The following DNAH14 variants were observed in gnomAD, a reference collection of about 807,000 sequenced individuals.
DNAH14 encodes the protein dynein axonemal heavy chain 14, also known as axonemal beta dynein heavy chain 14.
Under a neutral mutation model 520.9 loss-of-function variants are expected in DNAH14, and 478 were observed. The observed-to-expected ratio is 0.92, with a 90% CI of 0.85 to 0.99. The LOEUF (loss-of-function observed/expected upper bound fraction) is 0.99. DNAH14 is among the 50% of genes least tolerant of loss of function. DNAH14 has a pLI of 0.00. For missense variants in DNAH14, 4,831 were observed against 5,234.5 expected (o/e 0.92, Z 2.38); for synonymous variants, 1,581 against 1,757.2 (o/e 0.90, Z 2.51).
At chr1:225,366,558 T>A (rs955492886) in intron 76 of DNAH14, among the ~76,000 whole-genome samples, 1 of 152,188 alleles carries the variant, frequency 6.6e-6, no homozygotes, top group Non-Finnish European at 1.5e-5. Flanking sequence ...ATTTTCTCAT[T>A]TCTCCACAAT....
intron 28 of DNAH14, among the ~76,000 whole-genome samples, chr1:225,143,380 G>A (rs1319240000): frequency 6.6e-6 from 1 of 152,028 alleles, no homozygotes; most frequent in African/African-American, 2.4e-5. Flanking sequence ...TTGCAAGGTA[G>A]TAGCTTATAA....
rs138547664 is a variant in DNAH14, at chr1:225,187,184, C to A, written c.5670+1759C>A. Among the ~76,000 whole-genome samples the A allele has an allele frequency of 2.6e-4, 39 of 151,882 alleles. No individual in the cohort carries two copies. In the East Asian group the frequency reaches 7.5e-3, roughly 29 times the overall value. The stretch of plus-strand genomic sequence containing the variant: ...TAAAATTCACACACATGAGATAAAC[C>A]ATTTTAAAGTGTACATTCTGGTGAC... On this transcript the variant is annotated intron_variant, in intron 37 of 85. Transcript: ENST00000682510.
chr1:225,191,277 A>C (rs1274033328), intron 37 of DNAH14, among the ~76,000 whole-genome samples: 2 of 151,954 alleles, frequency 1.3e-5, no homozygotes, highest in African/African-American at 2.4e-5. Flanking sequence ...TGAACTATTT[A>C]GCTTCTGTTT....
intron 27 of DNAH14, among the ~76,000 whole-genome samples, chr1:225,136,293 C>A (rs972897329): frequency 3.9e-5 from 6 of 152,074 alleles, no homozygotes; most frequent in Non-Finnish European, 8.8e-5. Context: ...AGCTGATAAT[C>A]GTTTTTTCTT....
At chr1:225,277,306 A>G (rs2093509385) in intron 53 of DNAH14, 104 bp from the exon 54 acceptor site, 1 of 388,442 alleles carries the variant, frequency 2.6e-6, no homozygotes, top group East Asian at 7.4e-5. Context: ...GCTCTGGATT[A>G]CTAGTTATTC....
At chr1:225,183,455 G>C (rs907515442) in intron 36 of DNAH14, among the ~76,000 whole-genome samples, 1 of 152,138 alleles carries the variant, frequency 6.6e-6, no homozygotes, top group African/African-American at 2.4e-5. Flanking sequence ...CCTACATTAA[G>C]AAATTAGAAA....
rs2067603049 is a variant in DNAH14, at chr1:225,042,875, C to T, written c.1529C>T (p.Thr510Ile). Residue 510 changes from threonine (T) to isoleucine (I), a missense_variant, in exon 13 of 86, where the codon ACA (threonine) becomes ATA (isoleucine). Thr to Ile is a moderately conservative substitution (Grantham distance 89, BLOSUM62 -1). Transcript: ENST00000682510. ...GAAGTGGGGAAGGATTTGAGAAAAACATATGCACCAATATTTGAAGTAAAT... is the reference window on the plus strand; with the variant it reads ...GAAGTGGGGAAGGATTTGAGAAAAATATATGCACCAATATTTGAAGTAAAT... ...SVEVGKDLRK[T>I]YAPIFEVNLC... is the part of the protein sequence containing the mutation. 2 of 1,551,378 alleles carry T rather than the reference C, an allele frequency of 1.3e-6. No homozygotes were observed. The highest frequency in any genetic ancestry group is 2.0e-5 in the Admixed American group (1 of 50,962).
chr1:225,354,945 C>T (rs1264147797), intron 73 of DNAH14, among the ~76,000 whole-genome samples: 1 of 152,150 alleles, frequency 6.6e-6, no homozygotes, highest in African/African-American at 2.4e-5. Flanking sequence ...GGCTTACAAA[C>T]ATGTTTTATT....
chr1:225,180,613 A>C (rs950209926), intron 36 of DNAH14, among the ~76,000 whole-genome samples: 6 of 152,236 alleles, frequency 3.9e-5, no homozygotes, highest in Admixed American at 3.9e-4. Context: ...TTCACCCCTG[A>C]GGGAAGGCAT....
At chr1:225,360,304 T>C (rs2095478676) in intron 74 of DNAH14, among the ~76,000 whole-genome samples, 1 of 152,234 alleles carries the variant, frequency 6.6e-6, no homozygotes, top group Non-Finnish European at 1.5e-5. Context: ...ACAACACTTT[T>C]GCTAACAAAA....
chr1:225,172,012 A>C (rs2082734893), intron 36 of DNAH14, among the ~76,000 whole-genome samples: 1 of 152,306 alleles, frequency 6.6e-6, no homozygotes, highest in African/African-American at 2.4e-5. Context: ...CCAACGACAA[A>C]AACCACATGA....
At chr1:225,221,455 T>C (rs140190737) in intron 41 of DNAH14, among the ~76,000 whole-genome samples, 1 of 151,982 alleles carries the variant, frequency 6.6e-6, no homozygotes, top group East Asian at 1.9e-4. Flanking sequence ...TTAAACAAAT[T>C]TACAAGAAAA....
In DNAH14 at chr1:225,171,760, A is replaced by T. The variant is rs2082698491; in HGVS notation, c.5535+3732A>T. On this transcript the variant is annotated intron_variant, in intron 36 of 85. Transcript: ENST00000682510. ...ATAGAAAAAGAGGGAATCCTCCCTA[A>T]CTCATTTTATGAGGCCAGCATCATC... Among the ~76,000 whole-genome samples, 12 of 152,278 alleles carry T rather than the reference A, an allele frequency of 7.9e-5. No individual in the cohort carries two copies. The South Asian group carries it at 2.5e-3, about 32-fold the overall frequency.
rs1487878876 is a variant in DNAH14, at chr1:225,051,493, G to T, written c.2122G>T (p.Val708Phe). ...TATTATTGGTAATTCAATGGGCCTAGTTAATGCTTACAGCCACAAGTTTAT... is the reference window on the plus strand; with the variant it reads ...TATTATTGGTAATTCAATGGGCCTATTTAATGCTTACAGCCACAAGTTTAT... ...LTIIGNSMGLVNAYSHKFIKY... is the reference protein window; with the variant it reads ...LTIIGNSMGLFNAYSHKFIKY... Residue 708 changes from valine (V) to phenylalanine (F), a missense_variant, in exon 17 of 86, where the codon GTT becomes TTT. Physicochemically the swap from Val to Phe is conservative, Grantham distance 50 (BLOSUM62 -1). Coordinates refer to ENST00000682510, the MANE Select transcript of DNAH14 (RefSeq NM_001367479.1). 6.5e-6 allele frequency: 10 copies of T among 1,542,796 alleles called. No individual in the cohort carries two copies. The highest frequency in any genetic ancestry group is 8.7e-6 in the Non-Finnish European group (10 of 1,143,472).
At chr1:225,034,721 G>A (rs1416521767) in intron 11 of DNAH14, among the ~76,000 whole-genome samples, 2 of 151,948 alleles carry the variant, frequency 1.3e-5, no homozygotes, top group East Asian at 1.9e-4. Flanking sequence ...TTTTTTCTTG[G>A]TAGGCTGTTA....
chr1:225,120,770 G>T (rs936237357), intron 26 of DNAH14, among the ~76,000 whole-genome samples: 1 of 152,168 alleles, frequency 6.6e-6, no homozygotes, highest in Non-Finnish European at 1.5e-5. Flanking sequence ...CTGTAGGCAA[G>T]AAACCCTGAA....
chr1:225,094,422 A>G (rs1005441619), intron 21 of DNAH14, among the ~76,000 whole-genome samples: 3 of 152,234 alleles, frequency 2.0e-5, no homozygotes, highest in Middle Eastern at 3.4e-3. Context: ...CTGGCTAGCC[A>G]TATGCAGAAG....
At chr1:225,013,721 A>C (rs931224566) in intron 10 of DNAH14, among the ~76,000 whole-genome samples, 3 of 152,178 alleles carry the variant, frequency 2.0e-5, no homozygotes, top group African/African-American at 7.2e-5. Flanking sequence ...GGGTCTGCCC[A>C]GTCCAAACTT....
In DNAH14 at chr1:225,145,362, G is replaced by C; in HGVS notation, c.4777G>C (p.Glu1593Gln). The C allele has an allele frequency of 6.5e-7, 1 of 1,546,910 alleles. No homozygotes were observed. Among genetic ancestry groups the C allele is most frequent in the Non-Finnish European group, 8.7e-7 (1 of 1,144,984 alleles). The change falls in exon 30 of 86, where the codon GAG (glutamate) becomes CAG (glutamine). Residue 1593 changes from glutamate (E) to glutamine (Q), a missense_variant. Transcript: ENST00000682510. ...ACATTGTGTGGTCTTCAACTGTTTT[G>C]AGGATTTGGATTATAAGGTAAACCT... ...GKHCVVFNCF[E>Q]DLDYKIVRKF...
Sources: allele counts gnomAD v4.1 joint callset (sites outside exome capture counted in the v4.1 genomes callset), GRCh38; gene constraint gnomAD v4.1.1; transcripts MANE v1.5; gene names NCBI Gene and HGNC (gene_info 2026-07-23, HGNC 2026-07-21).